BSN: variants seen among roughly 807,000 people sequenced by gnomAD.
The protein encoded by BSN is protein bassoon.
A neutral mutation model predicts 264.8 loss-of-function variants in BSN; 57 were observed. The observed-to-expected ratio is 0.22, with a 90% CI of 0.17 to 0.27. The LOEUF (loss-of-function observed/expected upper bound fraction) is 0.27. Ranked by LOEUF, BSN falls within the 10% of genes least tolerant of loss-of-function variation. The probability of loss-of-function intolerance (pLI) is 1.00; values close to 1 mark genes in which losing one functional copy is unlikely to be tolerated. For synonymous variants in BSN, 2,059 were observed against 2,137.3 expected, an observed-to-expected ratio of 0.96 and a Z score of 1.01; for missense variants, 4,615 against 5,232.5, an observed-to-expected ratio of 0.88 and a Z score of 3.64.
At chr3:49,587,853 T>C (rs2108021012) in intron 1 of BSN, among the ~76,000 whole-genome samples, 1 of 148,540 alleles carries the variant, frequency 6.7e-6, no homozygotes, top group African/African-American at 2.5e-5. Context: ...GAGTAACTTC[T>C]GTCATTTTGT....
rs780430479 is a variant in BSN, at chr3:49,653,722, G to A, written c.4166G>A (p.Cys1389Tyr). 5.6e-5 allele frequency: 90 copies of A among 1,613,750 alleles called. No homozygotes were observed. Among genetic ancestry groups the A allele is most frequent in the Non-Finnish European group, 7.5e-5 (88 of 1,179,948 alleles). ...CCAGCCACCACAGCTGTGGCTCCTT[G>A]TCCAGCTGGGCTGCCACGAGGATAT... The part of the protein sequence containing the change: ...GTPATTAVAP[C>Y]PAGLPRGYMT... Residue 1389 changes from cysteine (C) to tyrosine (Y), a missense_variant, in exon 5 of 12, where the codon TGT becomes TAT. By Grantham distance (194) the Cys-to-Tyr change is radical. Around this residue, in one of 3 missense-constraint regions of BSN, gnomAD observed 3,415 missense variants for 3,866.4 expected, o/e 0.88. Coordinates refer to ENST00000296452, the MANE Select transcript of BSN (RefSeq NM_003458.4). This position sits in a 1 kb window ranked among gnomAD's most constrained non-coding sequence, Gnocchi z 6.3.
intron 3 of BSN, among the ~76,000 whole-genome samples, chr3:49,646,110 T>G (rs957016918): frequency 3.3e-5 from 5 of 152,222 alleles, no homozygotes; most frequent in Middle Eastern, 3.2e-3. Flanking sequence ...TTCTTCTTTC[T>G]AGATTGGGAG....
intron 1 of BSN, among the ~76,000 whole-genome samples, chr3:49,613,798 A>G (rs1190516840): frequency 3.3e-5 from 5 of 151,706 alleles, no homozygotes; most frequent in African/African-American, 1.2e-4. Context: ...ATGAACCGCC[A>G]TGCCCAGCTG....
In BSN at chr3:49,662,504, T is replaced by C. The variant is rs1021129165; in HGVS notation, c.10659T>C (p.Tyr3553=). ...HVKDGPRAHA[Y]KREEGYILDD... is the part of the protein sequence containing the mutation. ...AGGACGGACCTCGGGCCCACGCATA[T>C]AAGCGTGAGGAGGGCTACATCCTGG... Residue 3553 remains tyrosine, a synonymous_variant, in exon 6 of 12, where the codon TAT becomes TAC. Transcript: ENST00000296452. 3 of 1,612,822 alleles carry C rather than the reference T, an allele frequency of 1.9e-6. No homozygotes were observed. The highest frequency in any genetic ancestry group is 1.7e-6 in the Non-Finnish European group (2 of 1,179,670).
chr3:49,659,423 C>T (rs549839801), intron 5 of BSN, among the ~76,000 whole-genome samples: 1 of 152,138 alleles, frequency 6.6e-6, no homozygotes, highest in South Asian at 2.1e-4. Context: ...CATAAAAGGC[C>T]CACCCTGAAA....
chr3:49,623,662 C>T (rs1319033583), intron 1 of BSN, among the ~76,000 whole-genome samples: 1 of 152,188 alleles, frequency 6.6e-6, no homozygotes, highest in Admixed American at 6.5e-5. Context: ...ACACTTTATC[C>T]CATCTTGGTA....
At chr3:49,582,689 T>C (rs970579083) in intron 1 of BSN, among the ~76,000 whole-genome samples, 26 of 152,260 alleles carry the variant, frequency 1.7e-4, no homozygotes, top group African/African-American at 6.0e-4. Context: ...TAGATAGAAA[T>C]GGTAAAACTT....
At chr3:49,576,081 G>C (rs941606915) in intron 1 of BSN, among the ~76,000 whole-genome samples, 1 of 152,156 alleles carries the variant, frequency 6.6e-6, no homozygotes, top group African/African-American at 2.4e-5. Context: ...AAGAGACAAG[G>C]TGTTGTCTCT....
At chr3:49,639,652 A>G (rs2052446435) in intron 2 of BSN, among the ~76,000 whole-genome samples, 2 of 152,172 alleles carry the variant, frequency 1.3e-5, no homozygotes, top group African/African-American at 2.4e-5. Flanking sequence ...GCTGACTTCT[A>G]GAGCCTGACT....
intron 1 of BSN, among the ~76,000 whole-genome samples, chr3:49,619,285 A>C (rs1411955243): frequency 6.6e-6 from 1 of 152,230 alleles, no homozygotes; most frequent in Non-Finnish European, 1.5e-5. Flanking sequence ...ATTCAATGCC[A>C]AGCGTGGCGC....
rs935721848 is a variant in BSN, at chr3:49,638,426, C to T, written c.634-3842C>T. ...TATGGAGGAAGAGACTGAGGTTGGG[C>T]TCCTCCCAGGAAACTGCTGGGGATC... On this transcript the variant is annotated intron_variant, in intron 2 of 11. Transcript: ENST00000296452. The surrounding 1 kb of genome is among the most constrained non-coding windows in gnomAD (Gnocchi z 4.3). Among the ~76,000 whole-genome samples, 3 of 152,174 alleles carry T rather than the reference C, an allele frequency of 2.0e-5. No homozygotes were observed. Among genetic ancestry groups the T allele is most frequent in the Non-Finnish European group, 1.5e-5 (1 of 68,032 alleles).
chr3:49,591,795 C>A (rs2051979732), intron 1 of BSN, among the ~76,000 whole-genome samples: 1 of 151,972 alleles, frequency 6.6e-6, no homozygotes, highest in Non-Finnish European at 1.5e-5. Context: ...TGGCATGTTG[C>A]CCAGGCTGGT....
At chr3:49,626,762 C>T (rs1227616815) in intron 2 of BSN, among the ~76,000 whole-genome samples, 5 of 152,224 alleles carry the variant, frequency 3.3e-5, no homozygotes, top group Non-Finnish European at 7.3e-5. Flanking sequence ...TGGCCTTGCC[C>T]CTCTGGGTTC....
intron 2 of BSN, among the ~76,000 whole-genome samples, chr3:49,633,190 T>G (rs2108064379): frequency 6.6e-6 from 1 of 151,622 alleles, no homozygotes; most frequent in East Asian, 1.9e-4. Flanking sequence ...TAATCCTAGC[T>G]GCTCAGGAGG....
intron 1 of BSN, among the ~76,000 whole-genome samples, chr3:49,619,925 T>TGGTA (rs1178428393): frequency 1.3e-5 from 2 of 152,136 alleles, no homozygotes; most frequent in African/African-American, 2.4e-5. Context: ...CCAGGCACTG[T>TGGTA]GGTAGGCCCT....
chr3:49,577,856 C>T (rs1358006708), intron 1 of BSN, among the ~76,000 whole-genome samples: 3 of 152,086 alleles, frequency 2.0e-5, no homozygotes, highest in African/African-American at 7.2e-5. Context: ...TTTCTTTAAT[C>T]TTTAGTTTTC....
chr3:49,663,045 G>T lies in BSN; in HGVS notation c.10887G>T (p.Trp3629Cys). The T allele has an allele frequency of 6.2e-7, 1 of 1,613,552 alleles. No homozygotes were observed. The highest frequency in any genetic ancestry group is 8.5e-7 in the Non-Finnish European group (1 of 1,180,008). ...ATGAACCCCCTGAGGAGGGCCTGTG[G>T]CCTCATGATGAGGGTGGCCCAGGCC... ...DYDEPPEEGL[W>C]PHDEGGPGRH... Residue 3629 changes from tryptophan (W) to cysteine (C), a missense_variant, in exon 7 of 12, where the codon TGG (tryptophan) becomes TGT (cysteine). Around this residue, in one of 3 missense-constraint regions of BSN, gnomAD observed 3,415 missense variants for 3,866.4 expected, o/e 0.88. Coordinates refer to ENST00000296452, the MANE Select transcript of BSN (RefSeq NM_003458.4).
chr3:49,605,458 ATATT>A (rs2052110724), intron 1 of BSN, among the ~76,000 whole-genome samples: 1 of 22,718 alleles, frequency 4.4e-5, no homozygotes, highest in Non-Finnish European at 6.9e-5. Context: ...TATATAATAT[ATATT>A]ATATATAATA....
intron 1 of BSN, among the ~76,000 whole-genome samples, chr3:49,591,699 C>T (rs1182192034): frequency 6.6e-6 from 1 of 152,074 alleles, no homozygotes; most frequent in Admixed American, 6.6e-5. Context: ...GCCATCCTCC[C>T]TACCTCAGCC....
Sources: gnomAD v4.1 joint callset for allele counts (sites outside exome capture counted in the v4.1 genomes callset) on GRCh38, gnomAD v4.1.1 for gene constraint, gnomAD v4.1.1 regional missense constraint, Gnocchi (gnomAD v3.1) non-coding constraint, MANE v1.5 for transcripts, NCBI Gene and HGNC (gene_info 2026-07-23, HGNC 2026-07-21) for gene names.